The following IL6R variants were observed in gnomAD, a reference collection of about 807,000 sequenced individuals.
The protein encoded by IL6R is interleukin-6 receptor subunit alpha.
A neutral mutation model predicts 48.3 loss-of-function variants in IL6R; 38 were observed. That is an observed-to-expected ratio of 0.79 (90% CI 0.61 to 1.03). The LOEUF (loss-of-function observed/expected upper bound fraction) is 1.03. Among genes scored for constraint, IL6R ranks in the 50% least tolerant of loss-of-function variants. The probability of loss-of-function intolerance (pLI) is 0.00; values close to 1 mark genes in which losing one functional copy is unlikely to be tolerated. For synonymous variants in IL6R, 264 were observed against 256.2 expected, an observed-to-expected ratio of 1.03 and a Z score of -0.29; for missense variants, 534 against 618.3, an observed-to-expected ratio of 0.86 and a Z score of 1.45.
intron 3 of IL6R, among the ~76,000 whole-genome samples, chr1:154,432,561 T>A (rs1689355298): frequency 6.6e-6 from 1 of 152,130 alleles, no homozygotes; most frequent in Non-Finnish European, 1.5e-5. Context: ...TTTCACCATG[T>A]TAGCGGGGCT....
chr1:154,465,252 C>T lies in IL6R; in HGVS notation c.1279C>T (p.Leu427Phe). ...RPRPTPVLVPLISPPVSPSSL... is the reference protein window; with the variant it reads ...RPRPTPVLVPFISPPVSPSSL... Reference sequence around the variant, plus strand: ...TCGACCCACCCCAGTGCTTGTTCCTCTCATCTCCCCACCGGTGTCCCCCAG... The same window carrying T: ...TCGACCCACCCCAGTGCTTGTTCCTTTCATCTCCCCACCGGTGTCCCCCAG... The change falls in exon 10 of 10, where the codon CTC becomes TTC. Residue 427 changes from leucine to phenylalanine, a missense_variant. Coordinates refer to ENST00000368485, the MANE Select transcript of IL6R (RefSeq NM_000565.4). 1 of 1,614,190 alleles carries T rather than the reference C, an allele frequency of 6.2e-7. No individual in the cohort carries two copies. Among genetic ancestry groups the T allele is most frequent in the East Asian group, 2.2e-5 (1 of 44,872 alleles).
At chr1:154,430,691 A>C in intron 3 of IL6R, 85 bp downstream of exon 3, 1 of 1,534,018 alleles carries the variant, frequency 6.5e-7, no homozygotes. Context: ...GGTGATTTCA[A>C]AACATTATCA....
intron 1 of IL6R, among the ~76,000 whole-genome samples, chr1:154,410,746 G>T (rs1570915455): frequency 6.6e-6 from 1 of 152,260 alleles, no homozygotes; most frequent in Non-Finnish European, 1.5e-5. Context: ...CTACTCTTAG[G>T]AGTATGTCCC....
chr1:154,436,086 G>T lies in IL6R; in HGVS notation c.925G>T (p.Glu309Ter). Reference sequence around the variant, plus strand: ...AGGCGAGTGGAGCGAGTGGAGCCCGGAGGCCATGGGCACGCCTTGGACAGG... The same window carrying T: ...AGGCGAGTGGAGCGAGTGGAGCCCGTAGGCCATGGGCACGCCTTGGACAGG... ...GQGEWSEWSP[E>*]AMGTPWTESR... is the part of the protein sequence containing the mutation. Residue 309 changes from glutamate (E) to a stop codon, truncating the protein, a stop_gained, in exon 6 of 10, where the codon GAG (glutamate) becomes TAG (stop). Coordinates refer to ENST00000368485, the MANE Select transcript of IL6R (RefSeq NM_000565.4). LOFTEE classifies it high-confidence loss of function. 1 of 1,612,456 alleles carries T rather than the reference G, an allele frequency of 6.2e-7. No individual in the cohort carries two copies.
chr1:154,432,545 A>G (rs1177331367), intron 3 of IL6R, among the ~76,000 whole-genome samples: 1 of 151,890 alleles, frequency 6.6e-6, no homozygotes, highest in Non-Finnish European at 1.5e-5. Context: ...TTTAGTAGAG[A>G]TGAGGTTTCA....
At chr1:154,426,232 T>A (rs1268934974) in intron 1 of IL6R, among the ~76,000 whole-genome samples, 1 of 151,162 alleles carries the variant, frequency 6.6e-6, no homozygotes, top group Non-Finnish European at 1.5e-5. Flanking sequence ...AAGCACCAGC[T>A]GGGCGTGGTG....
chr1:154,405,778 C>T lies in IL6R; in HGVS notation c.85+64C>T. On this transcript the variant is annotated intron_variant, in intron 1 of 9. Coordinates refer to ENST00000368485, the MANE Select transcript of IL6R (RefSeq NM_000565.4). The surrounding 1 kb of genome is among the most constrained non-coding windows in gnomAD (Gnocchi z 5.2). ...AGCGGCTGGGGGAAACCGCCTTGGT[C>T]ACCGCAGTCTGTGGGAGGCTGGAGG... 8.2e-7 allele frequency: 1 copy of T among 1,218,806 alleles called. No homozygotes were observed. Among genetic ancestry groups the T allele is most frequent in the Non-Finnish European group, 1.1e-6 (1 of 919,218 alleles). 75.5% of individuals were successfully genotyped at this position (1,218,806 alleles called of 1,614,324 possible).
At chr1:154,451,373 C>A (rs1690569691) in intron 8 of IL6R, among the ~76,000 whole-genome samples, 2 of 152,000 alleles carry the variant, frequency 1.3e-5, no homozygotes, top group Non-Finnish European at 2.9e-5. Flanking sequence ...CAAAAATTAG[C>A]CAGGCGTGAT....
chr1:154,421,169 A>G (rs1435828208), intron 1 of IL6R, among the ~76,000 whole-genome samples: 1 of 152,164 alleles, frequency 6.6e-6, no homozygotes, highest in African/African-American at 2.4e-5. Flanking sequence ...TTCATGATGC[A>G]CAGGAGCCAA....
chr1:154,448,316 C>T (rs1690388227), intron 7 of IL6R, 145 bp downstream of exon 7: 2 of 672,282 alleles, frequency 3.0e-6, no homozygotes, highest in African/African-American at 1.8e-5. Context: ...CTTTTCAAAC[C>T]TCTGTGAAAG....
intron 1 of IL6R, among the ~76,000 whole-genome samples, chr1:154,423,260 A>AATATATATATATATATGTATAT (rs1333454415): frequency 1.2e-5 from 1 of 85,476 alleles, no homozygotes; most frequent in Non-Finnish European, 2.6e-5. Flanking sequence ...TGTTTAATTA[A>AATATATATATATATATGTATAT]ATATATATAT....
At chr1:154,434,116 T>G (rs181935207) in intron 3 of IL6R, among the ~76,000 whole-genome samples, 4 of 151,804 alleles carry the variant, frequency 2.6e-5, no homozygotes, top group Admixed American at 6.6e-5. Flanking sequence ...GCAGATCACC[T>G]GAGGTCAGCA....
chr1:154,405,365 G>C lies in IL6R; in HGVS notation c.-265G>C. On this transcript the variant is annotated 5_prime_UTR_variant, in exon 1 of 10. Coordinates refer to ENST00000368485, the MANE Select transcript of IL6R (RefSeq NM_000565.4). This position sits in a 1 kb window ranked among gnomAD's most constrained non-coding sequence, Gnocchi z 5.2. ...CTCAAATGTTTTCCTGCGTTGCCAG[G>C]ACCGTCCGCCGCTCTGAGTCATGTG... 3 of 492,888 alleles carry C rather than the reference G, an allele frequency of 6.1e-6. No individual in the cohort carries two copies. Among genetic ancestry groups the C allele is most frequent in the Non-Finnish European group, 1.1e-5 (3 of 279,982 alleles). The allele number at this position is 492,888 out of a possible 1,614,324, so 30.5% of individuals were successfully genotyped here. A position where few individuals can be genotyped will look rare whatever the true frequency, so the allele number is the denominator to read the frequency against.
intron 3 of IL6R, among the ~76,000 whole-genome samples, chr1:154,432,556 C>T (rs1689354584): frequency 6.6e-6 from 1 of 152,068 alleles, no homozygotes; most frequent in South Asian, 2.1e-4. Context: ...TGAGGTTTCA[C>T]CATGTTAGCG....
At chr1:154,454,448 T>C in intron 8 of IL6R, 40 bp from the exon 9 acceptor site, 2 of 1,294,588 alleles carry the variant, frequency 1.5e-6, no homozygotes, top group Non-Finnish European at 2.2e-6. Flanking sequence ...CTCCATATTC[T>C]CCTCTTCCTC....
At chr1:154,413,699 T>C (rs955839297) in intron 1 of IL6R, among the ~76,000 whole-genome samples, 4 of 152,158 alleles carry the variant, frequency 2.6e-5, no homozygotes, top group African/African-American at 4.8e-5. Context: ...TCAATGCTAA[T>C]TTTATTTTGA....
At chr1:154,409,232 G>A (rs899672851) in intron 1 of IL6R, among the ~76,000 whole-genome samples, 2 of 152,224 alleles carry the variant, frequency 1.3e-5, no homozygotes, top group Non-Finnish European at 2.9e-5. Context: ...AGTGGCTACT[G>A]TACTGAACAG....
intron 6 of IL6R, among the ~76,000 whole-genome samples, chr1:154,443,605 C>T (rs1357924150): frequency 5.3e-5 from 8 of 152,192 alleles, no homozygotes; most frequent in Admixed American, 4.6e-4. Context: ...AAGTACCTCA[C>T]TGAGACTCAG....
chr1:154,414,778 T>C, intron 1 of IL6R: 1 of 764,714 alleles, frequency 1.3e-6, no homozygotes, highest in Admixed American at 1.9e-5. Flanking sequence ...AGGCAGCCAC[T>C]CCAGCTCCAT....
Sources: gnomAD v4.1 joint callset for allele counts (sites outside exome capture counted in the v4.1 genomes callset) on GRCh38, gnomAD v4.1.1 for gene constraint, Gnocchi (gnomAD v3.1) non-coding constraint, MANE v1.5 for transcripts, NCBI Gene and HGNC (gene_info 2026-07-23, HGNC 2026-07-21) for gene names.